The following PAXBP1 variants were observed in gnomAD, a reference collection of about 807,000 sequenced individuals.
PAXBP1 encodes the protein PAX3- and PAX7-binding protein 1.
Under a neutral mutation model 119.9 loss-of-function variants are expected in PAXBP1, and 44 were observed. The observed-to-expected ratio is 0.37, with a 90% confidence interval of 0.29 to 0.47. The LOEUF is 0.47. Among genes scored for constraint, PAXBP1 ranks in the 20% least tolerant of loss-of-function variants. The pLI, the probability that PAXBP1 is intolerant of heterozygous loss-of-function variation, is 0.99. For synonymous variants in PAXBP1, 393 were observed against 406.6 expected, an observed-to-expected ratio of 0.97 and a Z score of 0.40; for missense variants, 898 against 1,134.1, an observed-to-expected ratio of 0.79 and a Z score of 2.99.
chr21:32,735,112 A>G (rs780259389), intron 17 of PAXBP1, 45 bp from the exon 18 acceptor site: 2 of 1,376,108 alleles, frequency 1.5e-6, no homozygotes, highest in Admixed American at 4.0e-5. Flanking sequence ...TAGTATATCT[A>G]AGAGAAAATT....
chr21:32,747,555 A>T (rs2043893096), intron 11 of PAXBP1, among the ~76,000 whole-genome samples: 1 of 152,242 alleles, frequency 6.6e-6, no homozygotes, highest in African/African-American at 2.4e-5. Context: ...TGTGAGCTGA[A>T]TGCTTCTCAG....
chr21:32,770,026 CA>C, intron 1 of PAXBP1, 84 bp from the exon 2 acceptor site: 1 of 933,582 alleles, frequency 1.1e-6, no homozygotes, highest in South Asian at 1.8e-5. Flanking sequence ...ACGTGCTGTC[CA>C]AATTATCCCA....
chr21:32,748,388 C>T (rs958124653), intron 11 of PAXBP1, 111 bp downstream of exon 11: 13 of 899,200 alleles, frequency 1.4e-5, no homozygotes, highest in Non-Finnish European at 1.9e-5. Flanking sequence ...ATAGCCTATG[C>T]CCTATCACCC....
Position 32,755,304 on chromosome 21 carries a change from T to C in PAXBP1, c.1433A>G (p.Gln478Arg). The change falls in exon 8 of 18, where the codon CAG (glutamine) becomes CGG (arginine). Residue 478 changes from glutamine to arginine, a missense_variant. Gln to Arg is a conservative substitution (Grantham distance 43). This residue lies in a region of PAXBP1 where 599 missense variants were observed against 852.7 expected (regional missense o/e 0.70). Transcript: ENST00000331923. ...LESAIHQLYKQRASRLVQRRQ... is the reference protein window; with the variant it reads ...LESAIHQLYKRRASRLVQRRQ... ...TCTTTGGACAAGGCGGGAAGCTCGC[T>C]GTTTGTACAGCTGATGTATTGCTGA... 6.2e-7 allele frequency: 1 copy of C among 1,613,636 alleles called. No homozygotes were observed. Among genetic ancestry groups the C allele is most frequent in the Non-Finnish European group, 8.5e-7 (1 of 1,179,752 alleles).
chr21:32,738,144 T>G, intron 16 of PAXBP1, 29 bp downstream of exon 16: 1 of 1,505,678 alleles, frequency 6.6e-7, no homozygotes. Context: ...ATTATATGCT[T>G]TAAAAACTGT....
intron 15 of PAXBP1, among the ~76,000 whole-genome samples, chr21:32,739,994 C>T (rs1225193279): frequency 2.7e-5 from 4 of 147,338 alleles, no homozygotes; most frequent in Non-Finnish European, 4.5e-5. Flanking sequence ...ACCTTAAACC[C>T]TTCCATGACA....
chr21:32,753,859 T>A (rs1247480179), intron 8 of PAXBP1, among the ~76,000 whole-genome samples: 1 of 152,184 alleles, frequency 6.6e-6, no homozygotes, highest in Non-Finnish European at 1.5e-5. Flanking sequence ...TGGGAAAAGG[T>A]ATTTGATGAA....
At position 32,748,626 on chromosome 21, in the gene PAXBP1, T is replaced by G; in HGVS notation, c.1796A>C (p.Lys599Thr). ...LESFYSIDCI[K>T]SQFEAWRSKY... ...TGAACGCCATGCTTCAAACTGTGAT[T>G]TAATACAGTCAATTGAATAGAAACT... Residue 599 changes from lysine to threonine, a missense_variant, in exon 11 of 18, where the codon AAA (lysine) becomes ACA (threonine). Lys to Thr is a moderately conservative substitution (Grantham distance 78). Coordinates refer to ENST00000331923, the MANE Select transcript of PAXBP1 (RefSeq NM_016631.4). The G allele has an allele frequency of 3.1e-6, 5 of 1,613,990 alleles. No individual in the cohort carries two copies. The highest frequency in any genetic ancestry group is 4.2e-6 in the Non-Finnish European group (5 of 1,179,916).
At chr21:32,764,683 T>C (rs2044210791) in intron 2 of PAXBP1, among the ~76,000 whole-genome samples, 159 bp from the exon 3 acceptor site, 1 of 152,218 alleles carries the variant, frequency 6.6e-6, no homozygotes, top group Non-Finnish European at 1.5e-5. Context: ...AATTAATTGT[T>C]TGTTAAAAAC....
chr21:32,768,268 T>C (rs1356192955), intron 2 of PAXBP1, among the ~76,000 whole-genome samples: 1 of 152,238 alleles, frequency 6.6e-6, no homozygotes, highest in African/African-American at 2.4e-5. Context: ...AGTAGATGCC[T>C]GTGCCATGCT....
In PAXBP1 at chr21:32,764,497, T is replaced by C; in HGVS notation, c.500A>G (p.His167Arg). The C allele has an allele frequency of 6.2e-7, 1 of 1,609,444 alleles. No homozygotes were observed. The part of the protein sequence containing the change: ...ESEQPLDKTG[H>R]VKDTNQEDGV... ...ATCTTCTTGATTTGTATCCTTAACA[T>C]GTCCTGTTTTGTCCAAAGGTTGTTC... Residue 167 changes from histidine (H) to arginine (R), a missense_variant, in exon 3 of 18, where the codon CAT (histidine) becomes CGT (arginine). Physicochemically the swap from His to Arg is conservative, Grantham distance 29 (BLOSUM62 0). Transcript: ENST00000331923.
intron 3 of PAXBP1, among the ~76,000 whole-genome samples, chr21:32,763,223 C>T (rs991466984): frequency 1.3e-5 from 2 of 152,124 alleles, no homozygotes; most frequent in African/African-American, 2.4e-5. Context: ...AAATTAATGC[C>T]TCCCTACTTG....
chr21:32,766,526 T>A (rs1185564607), intron 2 of PAXBP1, among the ~76,000 whole-genome samples: 2 of 152,300 alleles, frequency 1.3e-5, no homozygotes, highest in East Asian at 3.9e-4. Context: ...CTTCTCTTCA[T>A]CAAAAGAGCT....
At chr21:32,754,653 A>T (rs1040713695) in intron 8 of PAXBP1, among the ~76,000 whole-genome samples, 2 of 152,220 alleles carry the variant, frequency 1.3e-5, no homozygotes, top group African/African-American at 4.8e-5. Context: ...GTAAGCACCA[A>T]CTGACTTACT....
rs745425407 is a variant in PAXBP1 at position 32,771,431 on chromosome 21, G to A, written c.238C>T (p.Pro80Ser). Reference sequence around the variant, plus strand: ...CCGTTGCCGGGCTCCGCGCCGCCGGGGAAGCCGCCCCCGGCCTCAGCCCCG... The same window carrying A: ...CCGTTGCCGGGCTCCGCGCCGCCGGAGAAGCCGCCCCCGGCCTCAGCCCCG... Reference protein sequence around the residue: ...GLGAEAGGGFPGGAEPGNGLK... With the variant: ...GLGAEAGGGFSGGAEPGNGLK... Residue 80 changes from proline to serine, a missense_variant, in exon 1 of 18, where the codon CCC becomes TCC. This residue lies in a region of PAXBP1 where 299 missense variants were observed against 281.4 expected (regional missense o/e 1.06). Transcript: ENST00000331923. 2 of 1,529,988 alleles carry A rather than the reference G, an allele frequency of 1.3e-6. No homozygotes were observed. Among genetic ancestry groups the A allele is most frequent in the South Asian group, 1.2e-5 (1 of 84,422 alleles). 94.8% of individuals were successfully genotyped at this position (1,529,988 alleles called of 1,614,324 possible). A position where few individuals can be genotyped will look rare whatever the true frequency, so the allele number is the denominator to read the frequency against.
Position 32,769,758 on chromosome 21 carries a change from T to C in PAXBP1, c.472+56A>G, listed in dbSNP as rs1328201664. 8.3e-6 allele frequency: 13 copies of C among 1,571,504 alleles called. No individual in the cohort carries two copies. The South Asian group carries it at 8.3e-5, about 10-fold the overall frequency. On this transcript the variant is annotated intron_variant, in intron 2 of 17. Transcript: ENST00000331923. ...TCAGAAGATATACAGCAAATCACTGTGAGAAAGAGCTTTCATTTTGTCATT... is the reference window on the plus strand; with the variant it reads ...TCAGAAGATATACAGCAAATCACTGCGAGAAAGAGCTTTCATTTTGTCATT...
intron 6 of PAXBP1, 157 bp from the exon 7 acceptor site, chr21:32,759,426 A>G: frequency 1.2e-6 from 1 of 825,650 alleles, no homozygotes; most frequent in Middle Eastern, 3.6e-4. Context: ...TTTCTCAAAA[A>G]ACAAAAAATG....
intron 3 of PAXBP1, among the ~76,000 whole-genome samples, chr21:32,763,066 T>C (rs1257232311): frequency 2.0e-5 from 3 of 152,172 alleles, no homozygotes; most frequent in Non-Finnish European, 1.5e-5. Flanking sequence ...ATACTAAATA[T>C]TTAATTTTGT....
chr21:32,748,390 C>T, intron 11 of PAXBP1, 109 bp downstream of exon 11: 2 of 961,330 alleles, frequency 2.1e-6, no homozygotes, highest in Non-Finnish European at 3.1e-6. Context: ...AGCCTATGCC[C>T]TATCACCCCT....
Sources: gnomAD v4.1 joint callset for allele counts (sites outside exome capture counted in the v4.1 genomes callset) on GRCh38, gnomAD v4.1.1 for gene constraint, gnomAD v4.1.1 regional missense constraint, MANE v1.5 for transcripts, NCBI Gene and HGNC (gene_info 2026-07-23, HGNC 2026-07-21) for gene names.